Variants in ZP1 observed in about 807,000 individuals in gnomAD.
ZP1 encodes zona pellucida glycoprotein 1, also known as zona pellucida sperm-binding protein 1.
A neutral mutation model predicts 67.4 loss-of-function variants in ZP1; 58 were observed. That is an observed-to-expected ratio of 0.86 (90% CI 0.70 to 1.07). The LOEUF is 1.07. ZP1 is among the 50% of genes least tolerant of loss of function. The probability of loss-of-function intolerance (pLI) is 0.00; values close to 1 mark genes in which losing one functional copy is unlikely to be tolerated. For synonymous variants in ZP1, 333 were observed against 332.7 expected, an observed-to-expected ratio of 1.00 and a Z score of -0.01; for missense variants, 759 against 807.3, an observed-to-expected ratio of 0.94 and a Z score of 0.72.
chr11:60,875,285 C>G lies in ZP1; in HGVS notation c.1774+37C>G, dbSNP rs776242913. On this transcript the variant is annotated intron_variant, in intron 11 of 11. Transcript: ENST00000278853. ...TCTGGGTGGGCCCCTCAGGCCTTAC[C>G]CACTCTCAGCCCCCAAGATTGTGCT... 2.5e-6 allele frequency: 4 copies of G among 1,585,848 alleles called. No individual in the cohort carries two copies. The East Asian group carries it at 8.9e-5, about 35-fold the overall frequency.
At position 60,873,366 on chromosome 11, in the gene ZP1, T is replaced by C. The variant is rs764404895; in HGVS notation, c.1241-9T>C. On this transcript the variant is annotated splice_polypyrimidine_tract_variant and intron_variant, in intron 7 of 11. Transcript: ENST00000278853. The stretch of plus-strand genomic sequence containing the variant: ...GCCCGCCCTGGCTCATGAGTCACTC[T>C]CCCTGCAGACGAGACCTTCAGCTCG... The C allele has an allele frequency of 4.4e-6, 7 of 1,597,582 alleles. No individual in the cohort carries two copies. Among genetic ancestry groups the C allele is most frequent in the Admixed American group, 1.7e-5 (1 of 59,690 alleles).
intron 6 of ZP1, among the ~76,000 whole-genome samples, chr11:60,871,628 A>C (rs1235761050): frequency 6.6e-6 from 1 of 152,216 alleles, no homozygotes; most frequent in African/African-American, 2.4e-5. Flanking sequence ...CTCTCCAAGA[A>C]CCAAGCTCAA....
Position 60,873,758 on chromosome 11 carries a change from A to G in ZP1, c.1555A>G (p.Arg519Gly). 6.2e-7 allele frequency: 1 copy of G among 1,613,990 alleles called. No individual in the cohort carries two copies. Residue 519 changes from arginine to glycine, a missense_variant, in exon 9 of 12, where the codon AGA becomes GGA. Coordinates refer to ENST00000278853, the MANE Select transcript of ZP1 (RefSeq NM_207341.4). ...CGCCCTCCTGGACTCAGGCTCCCAG[A>G]GAGCCCTCAGAGGACTGGTAAGAAG... ...TFALLDSGSQ[R>G]ALRGLVYLFC...
Position 60,869,537 on chromosome 11 carries a change from G to C in ZP1, c.319G>C (p.Asp107His), listed in dbSNP as rs145707301. ...CTCTATGATGGCCTCTCACCTGCAG[G>C]ATGGGCGTTTCCACCTGAGGGTGTT... ...DYRGCHVLEK[D>H]GRFHLRVFME... Residue 107 changes from aspartate (D) to histidine (H), a missense_variant and splice_region_variant, in exon 3 of 12, where the codon GAT becomes CAT. Physicochemically the swap from Asp to His is moderately conservative, Grantham distance 81 (BLOSUM62 -1). Transcript: ENST00000278853. 1.9e-5 allele frequency: 30 copies of C among 1,600,760 alleles called. No individual in the cohort carries two copies. Among genetic ancestry groups the C allele is most frequent in the Non-Finnish European group, 2.5e-5 (29 of 1,171,380 alleles).
intron 2 of ZP1, 64 bp from the exon 3 acceptor site, chr11:60,869,473 G>A (rs1330846028): frequency 2.9e-5 from 45 of 1,545,640 alleles, no homozygotes; most frequent in East Asian, 9.1e-5. Context: ...TCGTGGGCCC[G>A]TCCCCTGCCT....
rs773870043 is a variant in ZP1, at chr11:60,871,058, GCCC to G, written c.931_933del (p.Pro311del). On this transcript the variant is annotated inframe_deletion, in exon 5 of 12. Transcript: ENST00000278853. ...ACTGGCCAACATCCACCTGGCCTAT[GCCC>G]CCACCAGCTGCTCCCCAACACAGCA... 10 of 1,614,094 alleles carry G rather than the reference GCCC, an allele frequency of 6.2e-6. No individual in the cohort carries two copies. In the South Asian group the frequency reaches 9.9e-5, roughly 16 times the overall value.
At chr11:60,875,073 C>A (rs1855674928) in intron 10 of ZP1, 56 bp from the exon 11 acceptor site, 3 of 1,613,512 alleles carry the variant, frequency 1.9e-6, no homozygotes, top group Non-Finnish European at 2.5e-6. Flanking sequence ...CTGTGCCTGG[C>A]CTCTGGGCCA....
At chr11:60,871,354 AGGGTGTCAG>A (rs755345891) in intron 6 of ZP1, 40 bp downstream of exon 6, 2 of 1,601,928 alleles carry the variant, frequency 1.2e-6, no homozygotes, top group East Asian at 4.5e-5. Context: ...GCTGTGTGCT[AGGGTGTCAG>A]GGGCACAGGC....
rs138658726 is a variant in ZP1, at chr11:60,873,659, A to G, written c.1456A>G (p.Arg486Gly). 1.2e-6 allele frequency: 2 copies of G among 1,614,084 alleles called. No homozygotes were observed. The highest frequency in any genetic ancestry group is 2.7e-5 in the African/African-American group (2 of 74,934). ...DGCPFKGDSY[R>G]TQMVALDGAT... Reference sequence around the variant, plus strand: ...ATGCCCTTTCAAGGGCGACAGCTACAGAACCCAAATGGTAGCCTTGGACGG... The same window carrying G: ...ATGCCCTTTCAAGGGCGACAGCTACGGAACCCAAATGGTAGCCTTGGACGG... Residue 486 changes from arginine (R) to glycine (G), a missense_variant, in exon 9 of 12, where the codon AGA (arginine) becomes GGA (glycine). By Grantham distance (125) the Arg-to-Gly change is moderately radical. Coordinates refer to ENST00000278853, the MANE Select transcript of ZP1 (RefSeq NM_207341.4).
In ZP1 at chr11:60,869,540, G is replaced by T. The variant is rs1331356914; in HGVS notation, c.322G>T (p.Gly108Trp). The T allele has an allele frequency of 1.2e-6, 2 of 1,601,662 alleles. No homozygotes were observed. Among genetic ancestry groups the T allele is most frequent in the Admixed American group, 3.4e-5 (2 of 59,488 alleles). The change falls in exon 3 of 12, where the codon GGG becomes TGG. Residue 108 changes from glycine (G) to tryptophan (W), a missense_variant. By Grantham distance (184) the Gly-to-Trp change is radical (BLOSUM62 -2). Coordinates refer to ENST00000278853, the MANE Select transcript of ZP1 (RefSeq NM_207341.4). ...YRGCHVLEKD[G>W]RFHLRVFMEA... ...TATGATGGCCTCTCACCTGCAGGAT[G>T]GGCGTTTCCACCTGAGGGTGTTCAT...
Position 60,869,597 on chromosome 11 carries a change from G to A in ZP1, c.379G>A (p.Val127Met). The A allele has an allele frequency of 6.2e-7, 1 of 1,613,940 alleles. No homozygotes were observed. Among genetic ancestry groups the A allele is most frequent in the African/African-American group, 1.3e-5 (1 of 75,012 alleles). The change falls in exon 3 of 12, where the codon GTG becomes ATG. Residue 127 changes from valine (V) to methionine (M), a missense_variant. Coordinates refer to ENST00000278853, the MANE Select transcript of ZP1 (RefSeq NM_207341.4). ...TGTGCTGCCCAATGGTCGTGTGGAT[G>A]TGGCACAAGACGCTACTCTGATCTG... ...EAVLPNGRVD[V>M]AQDATLICPK...
intron 6 of ZP1, among the ~76,000 whole-genome samples, chr11:60,871,740 TA>T (rs1200633119): frequency 6.6e-6 from 1 of 152,218 alleles, no homozygotes; most frequent in Non-Finnish European, 1.5e-5. Context: ...AAGCTGAAGA[TA>T]CCTCTCTGAG....
intron 11 of ZP1, 82 bp from the exon 12 acceptor site, chr11:60,875,432 C>A: frequency 6.3e-7 from 1 of 1,575,422 alleles, no homozygotes; most frequent in Non-Finnish European, 8.6e-7. Context: ...TTCAGCTCTG[C>A]CCAGTGTGAT....
intron 9 of ZP1, 151 bp from the exon 10 acceptor site, chr11:60,874,782 T>A (rs1412199963): frequency 1.5e-6 from 1 of 688,476 alleles, no homozygotes; most frequent in African/African-American, 1.8e-5. Flanking sequence ...TGGGCAGCAG[T>A]CATCATCTTG....
At position 60,869,535 on chromosome 11, in the gene ZP1, AG is replaced by A. The variant is rs1855526330; in HGVS notation, c.319del. ...TGCTCTATGATGGCCTCTCACCTGC[AG>A]GATGGGCGTTTCCACCTGAGGGTGT... On this transcript the variant is annotated splice_acceptor_variant, in intron 2 of 11. Coordinates refer to ENST00000278853, the MANE Select transcript of ZP1 (RefSeq NM_207341.4). LOFTEE classifies it high-confidence loss of function. 1.3e-6 allele frequency: 2 copies of A among 1,598,958 alleles called. No homozygotes were observed. The highest frequency in any genetic ancestry group is 1.7e-5 in the Admixed American group (1 of 59,294).
rs780287430 is a variant in ZP1, at chr11:60,873,624, C to T, written c.1431-10C>T. The T allele has an allele frequency of 1.5e-5, 25 of 1,613,996 alleles. No homozygotes were observed. Among genetic ancestry groups the T allele is most frequent in the Non-Finnish European group, 1.9e-5 (23 of 1,179,998 alleles). ...CTCCTGTAAACAGCCTCTCTGACTT[C>T]TCTTCTCAGATGCCCTTTCAAGGGC... On this transcript the variant is annotated splice_polypyrimidine_tract_variant and intron_variant, in intron 8 of 11. Coordinates refer to ENST00000278853, the MANE Select transcript of ZP1 (RefSeq NM_207341.4).
intron 6 of ZP1, among the ~76,000 whole-genome samples, chr11:60,871,644 C>T (rs1275629731): frequency 6.6e-6 from 1 of 152,220 alleles, no homozygotes; most frequent in African/African-American, 2.4e-5. Context: ...CTCAAAGCAA[C>T]TGAAAGTGTC....
chr11:60,868,903 C>T (rs945660617), intron 1 of ZP1, among the ~76,000 whole-genome samples: 3 of 152,236 alleles, frequency 2.0e-5, no homozygotes, highest in South Asian at 2.1e-4. Flanking sequence ...TGCCTGCTGC[C>T]GTGTGCTGTG....
chr11:60,870,001 TG>T (rs1855536317), intron 3 of ZP1, 101 bp downstream of exon 3: 1 of 1,383,706 alleles, frequency 7.2e-7, no homozygotes, highest in Non-Finnish European at 9.6e-7. Flanking sequence ...TTTCTTTTTT[TG>T]TTTTTTTCTT....
Sources: gnomAD v4.1 joint callset for allele counts (sites outside exome capture counted in the v4.1 genomes callset) on GRCh38, gnomAD v4.1.1 for gene constraint, MANE v1.5 for transcripts, NCBI Gene and HGNC (gene_info 2026-07-23, HGNC 2026-07-21) for gene names.